The following NQO1 variants were observed in gnomAD, a reference collection of about 807,000 sequenced individuals.
NQO1 encodes NAD(P)H quinone dehydrogenase 1.
A neutral mutation model predicts 32.1 loss-of-function variants in NQO1; 30 were observed. That is an observed-to-expected ratio of 0.94 (90% confidence interval 0.70 to 1.27). The LOEUF (loss-of-function observed/expected upper bound fraction) is 1.27. Among genes scored for constraint, NQO1 ranks in the 50% most tolerant of loss-of-function variants. The pLI, the probability that NQO1 is intolerant of heterozygous loss-of-function variation, is 0.00. For missense variants in NQO1, 276 were observed against 331.3 expected, an observed-to-expected ratio of 0.83 and a Z score of 1.30; for synonymous variants, 109 against 119.7, an observed-to-expected ratio of 0.91 and a Z score of 0.59.
intron 1 of NQO1, among the ~76,000 whole-genome samples, chr16:69,721,045 T>TA (rs1182237107): frequency 1.8e-4 from 26 of 147,276 alleles, no homozygotes; most frequent in Admixed American, 1.6e-3. Flanking sequence ...CACACCTAAT[T>TA]TTTTTTTTTT....
chr16:69,725,368 C>G (rs1224094455), intron 1 of NQO1, among the ~76,000 whole-genome samples: 1 of 152,184 alleles, frequency 6.6e-6, no homozygotes, highest in African/African-American at 2.4e-5. Context: ...TAGTACTGTC[C>G]AATCTCAGAG....
At chr16:69,713,910 C>G in intron 4 of NQO1, among the ~76,000 whole-genome samples, 1 of 91,070 alleles carries the variant, frequency 1.1e-5, no homozygotes, top group African/African-American at 4.2e-5. Context: ...GAGGCTCGCT[C>G]TGTCACCCAG....
In NQO1 at chr16:69,715,085, A is replaced by G; in HGVS notation, c.304-8T>C. On this transcript the variant is annotated splice_region_variant and splice_polypyrimidine_tract_variant and intron_variant, in intron 3 of 5. Transcript: ENST00000320623. The stretch of plus-strand genomic sequence containing the variant: ...AAACCACTGCAGGGGGAACTGTGGG[A>G]CAGAAGACATCATTGAGGTAAGACC... 6.2e-7 allele frequency: 1 copy of G among 1,608,238 alleles called. No individual in the cohort carries two copies. Among genetic ancestry groups the G allele is most frequent in the Non-Finnish European group, 8.5e-7 (1 of 1,174,960 alleles).
chr16:69,717,794 G>T (rs2151745154), intron 3 of NQO1, among the ~76,000 whole-genome samples: 1 of 152,184 alleles, frequency 6.6e-6, no homozygotes, highest in South Asian at 2.1e-4. Flanking sequence ...TGTACTTTTA[G>T]TAAAGACAGG....
chr16:69,709,980 A>G lies in NQO1; in HGVS notation c.*996T>C. On this transcript the variant is annotated 3_prime_UTR_variant, in exon 6 of 6. Coordinates refer to ENST00000320623, the MANE Select transcript of NQO1 (RefSeq NM_000903.3). Reference sequence around the variant, plus strand: ...TTGAAGGTACTATTTCCTTTCTTGAATTCATATTGCAGATGTACGGTGTGG... The same window carrying G: ...TTGAAGGTACTATTTCCTTTCTTGAGTTCATATTGCAGATGTACGGTGTGG... The G allele has an allele frequency of 5.1e-6, 2 of 392,050 alleles. No homozygotes were observed. The allele number at this position is 392,050 out of a possible 1,614,324, so 24.3% of individuals were successfully genotyped here.
At chr16:69,721,551 T>C (rs1377232889) in intron 1 of NQO1, among the ~76,000 whole-genome samples, 3 of 152,134 alleles carry the variant, frequency 2.0e-5, no homozygotes, top group African/African-American at 7.2e-5. Flanking sequence ...CCAAGTATTA[T>C]GTATGGCAGC....
At chr16:69,716,509 TAAATA>T (rs2038115790) in intron 3 of NQO1, among the ~76,000 whole-genome samples, 1 of 151,260 alleles carries the variant, frequency 6.6e-6, no homozygotes, top group South Asian at 2.1e-4. Context: ...AATAAATAAA[TAAATA>T]AAATGTTAAA....
At chr16:69,712,247 G>GT (rs530175503) in intron 5 of NQO1, among the ~76,000 whole-genome samples, 1,805 of 139,932 alleles carry the variant, frequency 0.013, 12 homozygotes, top group South Asian at 0.05. Flanking sequence ...AGCTAATTTT[G>GT]TTTTTTTTTT....
intron 3 of NQO1, among the ~76,000 whole-genome samples, chr16:69,717,607 CT>C (rs937696085): frequency 3.0e-3 from 422 of 138,802 alleles, no homozygotes; most frequent in Middle Eastern, 3.8e-3. Flanking sequence ...TTCTTTCTTT[CT>C]TTTTTTTTTT....
chr16:69,726,412 C>G lies in NQO1; in HGVS notation c.7+21G>C, dbSNP rs773844833. ...TGCTCGAGAGACGACCGCCAAGCAC[C>G]CCGCCCTTTGCAGCACTCACCGACC... On this transcript the variant is annotated intron_variant, in intron 1 of 5. Coordinates refer to ENST00000320623, the MANE Select transcript of NQO1 (RefSeq NM_000903.3). 9 of 1,611,830 alleles carry G rather than the reference C, an allele frequency of 5.6e-6. No individual in the cohort carries two copies. In the Admixed American group the frequency reaches 6.7e-5, roughly 12 times the overall value.
intron 1 of NQO1, among the ~76,000 whole-genome samples, chr16:69,725,524 A>G (rs2038249459): frequency 6.6e-6 from 1 of 152,146 alleles, no homozygotes; most frequent in Non-Finnish European, 1.5e-5. Context: ...ACCCAATACT[A>G]GAAACGGATC....
At chr16:69,725,982 C>G (rs1012241955) in intron 1 of NQO1, among the ~76,000 whole-genome samples, 1 of 152,250 alleles carries the variant, frequency 6.6e-6, no homozygotes, top group African/African-American at 2.4e-5. Flanking sequence ...CTCCTGTCCA[C>G]CAATCGCCAG....
At chr16:69,719,075 G>T (rs1032869706) in intron 1 of NQO1, among the ~76,000 whole-genome samples, 1 of 149,778 alleles carries the variant, frequency 6.7e-6, no homozygotes, top group African/African-American at 2.4e-5. Context: ...GTCAGGAAAA[G>T]CAAAATTAAA....
chr16:69,720,462 A>T (rs2038174278), intron 1 of NQO1, among the ~76,000 whole-genome samples: 1 of 152,048 alleles, frequency 6.6e-6, no homozygotes, highest in Admixed American at 6.6e-5. Flanking sequence ...AAAGAAAAAA[A>T]GAAATGACAT....
chr16:69,721,969 C>T (rs2038197475), intron 1 of NQO1, among the ~76,000 whole-genome samples: 1 of 152,004 alleles, frequency 6.6e-6, no homozygotes, highest in East Asian at 1.9e-4. Flanking sequence ...CACCACTGTA[C>T]TCCAGCCTGG....
Position 69,718,136 on chromosome 16 carries a change from AG to A in NQO1, c.289del (p.Val98Ter). The A allele has an allele frequency of 6.2e-7, 1 of 1,613,996 alleles. No individual in the cohort carries two copies. Among genetic ancestry groups the A allele is most frequent in the Non-Finnish European group, 8.5e-7 (1 of 1,179,880 alleles). On this transcript the variant is annotated frameshift_variant, in exon 3 of 6. Coordinates refer to ENST00000320623, the MANE Select transcript of NQO1 (RefSeq NM_000903.3). LOFTEE classifies it high-confidence loss of function. ...GTCCCCCCATACCTGGAATATCACA[AG>A]GTCTGCGGCTTCCAGCTTCTTTTGT... ...AEQKKLEAAD[L>X]VIFQFPLQWF...
At chr16:69,717,145 C>A (rs1023495759) in intron 3 of NQO1, among the ~76,000 whole-genome samples, 5 of 151,070 alleles carry the variant, frequency 3.3e-5, no homozygotes, top group Non-Finnish European at 7.4e-5. Context: ...CTCGTGGTTT[C>A]CAGGATCATA....
At position 69,709,895 on chromosome 16, in the gene NQO1, T is replaced by C. The variant is rs1381325153; in HGVS notation, c.*1081A>G. On this transcript the variant is annotated 3_prime_UTR_variant, in exon 6 of 6. Transcript: ENST00000320623. ...TTTAGCAATGATAAAGAAAATAACC[T>C]TCTGAAAATTTGTATAGATCAGAAA... is the stretch of plus-strand genomic sequence containing the variant. The C allele has an allele frequency of 1.5e-5, 6 of 398,514 alleles. No homozygotes were observed. Among genetic ancestry groups the C allele is most frequent in the East Asian group, 1.4e-4 (4 of 28,064 alleles). The allele number at this position is 398,514 out of a possible 1,614,324, so 24.7% of individuals were successfully genotyped here. A position where few individuals can be genotyped will look rare whatever the true frequency, so the allele number is the denominator to read the frequency against.
intron 1 of NQO1, among the ~76,000 whole-genome samples, chr16:69,721,870 G>T (rs2038196460): frequency 6.6e-6 from 1 of 151,238 alleles, no homozygotes; most frequent in African/African-American, 2.4e-5. Context: ...GAGCGTAGTG[G>T]TGTGTGCCTG....
Sources: allele counts gnomAD v4.1 joint callset (sites outside exome capture counted in the v4.1 genomes callset), GRCh38; gene constraint gnomAD v4.1.1; transcripts MANE v1.5; gene names NCBI Gene and HGNC (gene_info 2026-07-23, HGNC 2026-07-21).